The following EPHA3 variants were observed in gnomAD, a reference collection of about 807,000 sequenced individuals.
The protein encoded by EPHA3 is EPH receptor A3, also known as ephrin type-A receptor 3.
EPHA3 carries 42 observed loss-of-function variants against 107.1 expected under a neutral mutation model. The observed-to-expected ratio is 0.39, with a 90% CI of 0.31 to 0.51. The LOEUF (loss-of-function observed/expected upper bound fraction) is 0.51. Among genes scored for constraint, EPHA3 ranks in the 20% least tolerant of loss-of-function variants. EPHA3 has a pLI of 0.78. For synonymous variants in EPHA3, 461 were observed against 424.8 expected, an observed-to-expected ratio of 1.09 and a Z score of -1.05; for missense variants, 1,183 against 1,211.2, an observed-to-expected ratio of 0.98 and a Z score of 0.35.
At chr3:89,340,869 CA>C (rs1707502065) in intron 3 of EPHA3, 46 bp from the exon 4 acceptor site, 15 of 1,504,896 alleles carry the variant, frequency 1.0e-5, no homozygotes, top group South Asian at 6.6e-5. Flanking sequence ...TACATATTTT[CA>C]AAAAAATTAT....
chr3:89,288,947 C>T (rs1451166957), intron 3 of EPHA3, among the ~76,000 whole-genome samples: 9 of 152,086 alleles, frequency 5.9e-5, no homozygotes, highest in Non-Finnish European at 1.2e-4. Context: ...AACAAAATAT[C>T]ATTTATGTAT....
chr3:89,192,021 C>T (rs1019097593), intron 2 of EPHA3, among the ~76,000 whole-genome samples: 2 of 152,152 alleles, frequency 1.3e-5, no homozygotes, highest in African/African-American at 4.8e-5. Flanking sequence ...ACTTCGGGAC[C>T]TTCCTTAATC....
chr3:89,201,376 AGAAT>A (rs200545939), intron 2 of EPHA3, among the ~76,000 whole-genome samples: 1 of 152,218 alleles, frequency 6.6e-6, no homozygotes, highest in East Asian at 1.9e-4. Context: ...GGTTAGAAAA[AGAAT>A]GAATGAATGA....
At chr3:89,446,916 T>A (rs1018543111) in intron 13 of EPHA3, among the ~76,000 whole-genome samples, 8 of 152,088 alleles carry the variant, frequency 5.3e-5, no homozygotes, top group African/African-American at 1.9e-4. Flanking sequence ...GATATTTAAT[T>A]GAGATTTTTA....
intron 13 of EPHA3, among the ~76,000 whole-genome samples, chr3:89,436,482 G>A (rs1709672400): frequency 6.6e-6 from 1 of 152,182 alleles, no homozygotes; most frequent in Non-Finnish European, 1.5e-5. Context: ...TTGCTCCTCT[G>A]AAAGTTACTG....
In EPHA3 at chr3:89,117,358, A is replaced by T. The variant is rs376002960; in HGVS notation, c.88+9522A>T. Among the ~76,000 whole-genome samples, 5 of 152,242 alleles carry T rather than the reference A, an allele frequency of 3.3e-5. 1 individual carries two copies. The highest frequency in any genetic ancestry group is 1.2e-4 in the African/African-American group (5 of 41,580). On this transcript the variant is annotated intron_variant, in intron 1 of 16. Transcript: ENST00000336596. ...ATCTACCTCAGACTGACTAAGGGGA[A>T]CACAGAGCAGCTTGTTAGCAGTTAA...
chr3:89,112,900 C>T (rs1261721808), intron 1 of EPHA3, among the ~76,000 whole-genome samples: 1 of 151,480 alleles, frequency 6.6e-6, no homozygotes, highest in Non-Finnish European at 1.5e-5. Context: ...TGTCAAGATC[C>T]TCAACTTTAT....
rs368368368 is a variant in EPHA3 at position 89,399,726 on chromosome 3, G to GTT, written c.1594+257_1594+258dup. 7.1e-3 allele frequency: 6,994 copies of GTT among 978,924 alleles called. 105 individuals carry two copies. The African/African-American group carries it at 0.079, about 11-fold the overall frequency. The allele number at this position is 978,924 out of a possible 1,614,324, so 60.6% of individuals were successfully genotyped here. Reference sequence around the variant, plus strand: ...ATATTCTAATGCCTGAAATGCTTCTGTTTTTTTTTTTTAGCCATAAATTGC... The same window carrying GTT: ...ATATTCTAATGCCTGAAATGCTTCTGTTTTTTTTTTTTTTAGCCATAAATTGC... On this transcript the variant is annotated intron_variant, in intron 7 of 16. Transcript: ENST00000336596.
intron 13 of EPHA3, among the ~76,000 whole-genome samples, chr3:89,443,068 G>A (rs1334489830): frequency 6.6e-6 from 1 of 152,038 alleles, no homozygotes; most frequent in Non-Finnish European, 1.5e-5. Context: ...CAGTATATAA[G>A]TCTTACCCTT....
At chr3:89,376,111 C>T (rs79204801) in intron 5 of EPHA3, among the ~76,000 whole-genome samples, 4,934 of 151,852 alleles carry the variant, frequency 0.032, 247 homozygotes, top group African/African-American at 0.11. Flanking sequence ...AAAAGGAACA[C>T]ATAAAGAGAT....
intron 16 of EPHA3, among the ~76,000 whole-genome samples, chr3:89,476,759 C>T (rs1314720714): frequency 2.6e-5 from 4 of 151,804 alleles, no homozygotes; most frequent in Middle Eastern, 3.4e-3. Context: ...AGGCGCCCGC[C>T]ACCACGCCCC....
intron 13 of EPHA3, among the ~76,000 whole-genome samples, chr3:89,441,120 A>G (rs541210955): frequency 6.4e-4 from 97 of 152,348 alleles, no homozygotes; most frequent in African/African-American, 2.2e-3. Flanking sequence ...TTAAACAGGA[A>G]GGTCAAAACT....
At chr3:89,179,966 A>G (rs1248475507) in intron 2 of EPHA3, among the ~76,000 whole-genome samples, 1 of 151,928 alleles carries the variant, frequency 6.6e-6, no homozygotes, top group Non-Finnish European at 1.5e-5. Flanking sequence ...AGGCTAAGTA[A>G]TTTAAATGTT....
chr3:89,455,572 C>G (rs1169247890), intron 15 of EPHA3, among the ~76,000 whole-genome samples: 12 of 152,176 alleles, frequency 7.9e-5, no homozygotes. Context: ...ATTTATATGA[C>G]TGCTTTGTAG....
At chr3:89,401,334 C>G (rs1708958777) in intron 7 of EPHA3, among the ~76,000 whole-genome samples, 1 of 152,170 alleles carries the variant, frequency 6.6e-6, no homozygotes, top group Non-Finnish European at 1.5e-5. Context: ...CTGCCATCCT[C>G]AAATACGTAA....
At chr3:89,258,468 A>G (rs1705339237) in intron 3 of EPHA3, among the ~76,000 whole-genome samples, 1 of 152,182 alleles carries the variant, frequency 6.6e-6, no homozygotes, top group Non-Finnish European at 1.5e-5. Flanking sequence ...TGACTCGTGT[A>G]TTTAGTAGTA....
chr3:89,311,249 A>C, intron 3 of EPHA3, among the ~76,000 whole-genome samples: 1 of 152,074 alleles, frequency 6.6e-6, no homozygotes, highest in East Asian at 1.9e-4. Context: ...ATAAAATGAA[A>C]GCATTTAACG....
chr3:89,475,253 G>A (rs1157325076), intron 16 of EPHA3, among the ~76,000 whole-genome samples: 1 of 151,896 alleles, frequency 6.6e-6, no homozygotes, highest in Non-Finnish European at 1.5e-5. Context: ...GCTTTCTTTC[G>A]GGTTCCTGGC....
intron 2 of EPHA3, among the ~76,000 whole-genome samples, chr3:89,153,542 G>C (rs1413156163): frequency 6.6e-6 from 1 of 151,954 alleles, no homozygotes; most frequent in African/African-American, 2.4e-5. Flanking sequence ...AGTCCACTTT[G>C]ATTATTTTCC....
Sources: allele counts gnomAD v4.1 joint callset (sites outside exome capture counted in the v4.1 genomes callset), GRCh38; gene constraint gnomAD v4.1.1; transcripts MANE v1.5; gene names NCBI Gene and HGNC (gene_info 2026-07-23, HGNC 2026-07-21).